The following BRD2 variants were observed in gnomAD, a reference collection of about 807,000 sequenced individuals.
The protein encoded by BRD2 is bromodomain containing 2, also known as bromodomain-containing protein 2.
BRD2 carries 15 observed loss-of-function variants against 79.1 expected under a neutral mutation model. The ratio of observed to expected loss-of-function variants is 0.19; its 90% CI spans 0.13 to 0.29. The LOEUF is 0.29. Among genes scored for constraint, BRD2 ranks in the 10% least tolerant of loss-of-function variants. The pLI is 1.00. For missense variants in BRD2, 1,053 were observed against 991.3 expected (o/e 1.06, Z -0.84); for synonymous variants, 488 against 358.6 (o/e 1.36, Z -4.08).
intron 3 of BRD2, chr6:32,975,105 C>T: frequency 1.3e-6 from 2 of 1,509,556 alleles, no homozygotes; most frequent in Non-Finnish European, 1.8e-6. Context: ...GGATAGCCAG[C>T]CCCAGAGGTA....
In BRD2 at chr6:32,976,579, G is replaced by A. The variant is rs1657512617; in HGVS notation, c.843G>A (p.Arg281=). ...TTCTGCAGAAAAAAGGCGTAAAGCG[G>A]AAAGCAGATACTACCACCCCTACAC... ...QPLAKKKGVK[R]KADTTTPTPT... The change falls in exon 7 of 13, where the codon CGG becomes CGA. Residue 281 remains arginine (R), a synonymous_variant. Coordinates refer to ENST00000374825, the MANE Select transcript of BRD2 (RefSeq NM_005104.4). 1 of 1,596,662 alleles carries A rather than the reference G, an allele frequency of 6.3e-7. No individual in the cohort carries two copies. The highest frequency in any genetic ancestry group is 1.3e-5 in the African/African-American group (1 of 74,596).
In BRD2 at chr6:32,974,639, C is replaced by T. The variant is rs376374651; in HGVS notation, c.207C>T (p.Pro69=). Residue 69 remains proline, a synonymous_variant, in exon 3 of 13, where the codon CCC becomes CCT. Coordinates refer to ENST00000374825, the MANE Select transcript of BRD2 (RefSeq NM_005104.4). The part of the protein sequence containing the change: ...ANPPPPEVSN[P]KKPGRVTNQL... ...CACCACCCCCGGAGGTGTCCAATCC[C>T]AAAAAGCCAGGACGAGTTACCAACC... 2.4e-5 allele frequency: 39 copies of T among 1,614,096 alleles called. No individual in the cohort carries two copies. Among genetic ancestry groups the T allele is most frequent in the Non-Finnish European group, 3.1e-5 (36 of 1,180,050 alleles).
chr6:32,976,395 G>C lies in BRD2; in HGVS notation c.756G>C (p.Lys252Asn). ...CAGTCATTTCCTCTCCACTTCTCAA[G>C]TCCTTGCACTCTGCTGGACCCCCGC... is the stretch of plus-strand genomic sequence containing the variant. ...HPSVISSPLL[K>N]SLHSAGPPLL... Residue 252 changes from lysine (K) to asparagine (N), a missense_variant, in exon 6 of 13, where the codon AAG becomes AAC. By Grantham distance (94) the Lys-to-Asn change is moderately conservative. Transcript: ENST00000374825. 6.2e-7 allele frequency: 1 copy of C among 1,612,806 alleles called. No homozygotes were observed. The highest frequency in any genetic ancestry group is 8.5e-7 in the Non-Finnish European group (1 of 1,180,010).
chr6:32,971,711 T>G lies in BRD2; in HGVS notation c.-1188T>G. The G allele has an allele frequency of 1.9e-6, 1 of 539,764 alleles. No homozygotes were observed. The highest frequency in any genetic ancestry group is 3.3e-6 in the Non-Finnish European group (1 of 306,340). The allele number at this position is 539,764 out of a possible 1,614,324, so 33.4% of individuals were successfully genotyped here. A position where few individuals can be genotyped will look rare whatever the true frequency, so the allele number is the denominator to read the frequency against. On this transcript the variant is annotated 5_prime_UTR_variant, in exon 2 of 13. Coordinates refer to ENST00000374825, the MANE Select transcript of BRD2 (RefSeq NM_005104.4). ...ACGCGACCCCTCCCGTTTCCCTGCT[T>G]TGGCCAATGGAGGAGCTACGAATGG...
chr6:32,980,175 T>C, intron 11 of BRD2, 43 bp downstream of exon 11: 1 of 1,589,306 alleles, frequency 6.3e-7, no homozygotes, highest in Non-Finnish European at 8.6e-7. Context: ...TGAGGACAGT[T>C]GAGGAAAGAT....
intron 11 of BRD2, 51 bp downstream of exon 11, chr6:32,980,183 G>C (rs373257186): frequency 6.3e-7 from 1 of 1,585,896 alleles, no homozygotes; most frequent in Non-Finnish European, 8.6e-7. Flanking sequence ...GTTGAGGAAA[G>C]ATGGTGGGGT....
At chr6:32,974,989 C>T (rs1244495899) in intron 3 of BRD2, 2 of 1,510,120 alleles carry the variant, frequency 1.3e-6, no homozygotes, top group Admixed American at 2.0e-5. Context: ...TGTGTCCTTC[C>T]TTAACTTTTG....
chr6:32,970,385 G>A (rs952097900), intron 1 of BRD2: 4 of 152,384 alleles, frequency 2.6e-5, no homozygotes, highest in African/African-American at 7.2e-5. Flanking sequence ...CCCTACTCGG[G>A]GGGTCAGAAG....
chr6:32,972,370 A>T lies in BRD2; in HGVS notation c.-529A>T. ...CAGCGGGCAGTACAGACCCCCTAGA[A>T]GCCCCTGGAGCTCCCCTTTTTCGGG... is the stretch of plus-strand genomic sequence containing the variant. On this transcript the variant is annotated 5_prime_UTR_variant, in exon 2 of 13. It adds an upstream start codon to the 5' untranslated region. Transcript: ENST00000374825. 1 of 303,252 alleles carries T rather than the reference A, an allele frequency of 3.3e-6. No individual in the cohort carries two copies. The highest frequency in any genetic ancestry group is 6.3e-6 in the Non-Finnish European group (1 of 157,772). The allele number at this position is 303,252 out of a possible 1,614,324, so 18.8% of individuals were successfully genotyped here.
chr6:32,974,985 C>A, intron 3 of BRD2: 1 of 1,499,414 alleles, frequency 6.7e-7, no homozygotes, highest in Non-Finnish European at 9.0e-7. Flanking sequence ...TCCATGTGTC[C>A]TTCCTTAACT....
rs1343329563 is a variant in BRD2, at chr6:32,972,143, G to A, written c.-756G>A. 3 of 651,650 alleles carry A rather than the reference G, an allele frequency of 4.6e-6. No homozygotes were observed. The highest frequency in any genetic ancestry group is 5.6e-5 in the East Asian group (2 of 35,856). 40.4% of individuals were successfully genotyped at this position (651,650 alleles called of 1,614,324 possible). ...CTCAAGCAGGGTGGCGCGCATGAGC[G>A]GCGAAGCTCCTCCTCCCCGCCTATA... On this transcript the variant is annotated 5_prime_UTR_variant, in exon 2 of 13. Transcript: ENST00000374825.
chr6:32,977,320 CAGATCCTTA>C, intron 7 of BRD2, 113 bp from the exon 8 acceptor site: 2 of 1,604,030 alleles, frequency 1.2e-6, no homozygotes, highest in Admixed American at 3.3e-5. Flanking sequence ...CCCCAGGGCA[CAGATCCTTA>C]AGGTCATCCC....
intron 4 of BRD2, among the ~76,000 whole-genome samples, chr6:32,975,810 GCT>G (rs908469988): frequency 6.6e-6 from 1 of 151,302 alleles, no homozygotes; most frequent in Non-Finnish European, 1.5e-5. Context: ...TTTCTTGTCA[GCT>G]CTCAAGTTTT....
At position 32,981,032 on chromosome 6, in the gene BRD2, GC is replaced by G; in HGVS notation, c.*317del. 2.9e-6 allele frequency: 1 copy of G among 342,322 alleles called. No homozygotes were observed. Among genetic ancestry groups the G allele is most frequent in the Non-Finnish European group, 5.5e-6 (1 of 181,372 alleles). 21.2% of individuals were successfully genotyped at this position (342,322 alleles called of 1,614,324 possible). A position where few individuals can be genotyped will look rare whatever the true frequency, so the allele number is the denominator to read the frequency against. ...TCTGGAGTTACCTGAGGCCACAGCT[GC>G]CCTATTCACTTCTAAGGGCCCTGTT... On this transcript the variant is annotated 3_prime_UTR_variant, in exon 13 of 13. Coordinates refer to ENST00000374825, the MANE Select transcript of BRD2 (RefSeq NM_005104.4).
chr6:32,977,667 T>C (rs1778942131), intron 8 of BRD2, 90 bp from the exon 9 acceptor site: 1 of 1,603,280 alleles, frequency 6.2e-7, no homozygotes, highest in Admixed American at 1.7e-5. Flanking sequence ...CACTGTTCTG[T>C]ACAGTTGTAA....
In BRD2 at chr6:32,969,025, T is replaced by G; in HGVS notation, c.-1336T>G. On this transcript the variant is annotated 5_prime_UTR_variant, in exon 1 of 13. Coordinates refer to ENST00000374825, the MANE Select transcript of BRD2 (RefSeq NM_005104.4). ...ACCCCGTACCAAGCCGAGGGCAACT[T>G]TGGAGGCCCCCTGGAAGGCTTTAGG... 9 of 337,948 alleles carry G rather than the reference T, an allele frequency of 2.7e-5. No individual in the cohort carries two copies. Among genetic ancestry groups the G allele is most frequent in the East Asian group, 4.7e-5 (1 of 21,314 alleles). The allele number at this position is 337,948 out of a possible 1,614,324, so 20.9% of individuals were successfully genotyped here.
At position 32,978,337 on chromosome 6, in the gene BRD2, G is replaced by C. The variant is rs750327827; in HGVS notation, c.1790G>C (p.Ser597Thr). Reference sequence around the variant, plus strand: ...AAAGCAAGTGGCAGTGGGGGTGGCAGTGCTGCTTTAGGCCCTTCTGGCTTT... The same window carrying C: ...AAAGCAAGTGGCAGTGGGGGTGGCACTGCTGCTTTAGGCCCTTCTGGCTTT... ...SKKASGSGGG[S>T]AALGPSGFGP... The change falls in exon 10 of 13, where the codon AGT (serine) becomes ACT (threonine). Residue 597 changes from serine to threonine, a missense_variant. Physicochemically the swap from Ser to Thr is moderately conservative, Grantham distance 58. Around this residue, in one of 5 missense-constraint regions of BRD2, gnomAD observed 454 missense variants for 430.5 expected, o/e 1.05. Transcript: ENST00000374825. 1.2e-6 allele frequency: 2 copies of C among 1,613,070 alleles called. No individual in the cohort carries two copies. The highest frequency in any genetic ancestry group is 1.7e-6 in the Non-Finnish European group (2 of 1,180,028).
rs190237002 is a variant in BRD2, at chr6:32,972,044, G to T, written c.-855G>T. The T allele has an allele frequency of 4.3e-6, 3 of 701,672 alleles. No individual in the cohort carries two copies. The highest frequency in any genetic ancestry group is 7.8e-6 in the Non-Finnish European group (3 of 384,762). 43.5% of individuals were successfully genotyped at this position (701,672 alleles called of 1,614,324 possible). ...CAATAGAAAAAGCTCCCGCGGAGAGGTGTTCCTTCCCCTTCGACTCAGCTT... is the reference window on the plus strand; with the variant it reads ...CAATAGAAAAAGCTCCCGCGGAGAGTTGTTCCTTCCCCTTCGACTCAGCTT... On this transcript the variant is annotated 5_prime_UTR_variant, in exon 2 of 13. Coordinates refer to ENST00000374825, the MANE Select transcript of BRD2 (RefSeq NM_005104.4).
At chr6:32,975,671 A>G in intron 4 of BRD2, 150 bp downstream of exon 4, 1 of 950,996 alleles carries the variant, frequency 1.1e-6, no homozygotes, top group Non-Finnish European at 1.6e-6. Flanking sequence ...CTGACTCTAG[A>G]TGGTACTATT....
Sources: allele counts gnomAD v4.1 joint callset (sites outside exome capture counted in the v4.1 genomes callset), GRCh38; gene constraint gnomAD v4.1.1; regional missense constraint gnomAD v4.1.1; transcripts MANE v1.5; gene names NCBI Gene and HGNC (gene_info 2026-07-23, HGNC 2026-07-21).